The following KAT6B variants were observed in gnomAD, a reference collection of about 807,000 sequenced individuals.
KAT6B encodes the protein histone acetyltransferase KAT6B.
KAT6B carries 10 observed loss-of-function variants against 187.5 expected under a neutral mutation model. That is an observed-to-expected ratio of 0.05 (90% confidence interval 0.03 to 0.09). KAT6B has a LOEUF of 0.09. KAT6B is among the 10% of genes least tolerant of loss of function. The probability of loss-of-function intolerance (pLI) is 1.00; values close to 1 mark genes in which losing one functional copy is unlikely to be tolerated. For synonymous variants in KAT6B, 861 were observed against 926.8 expected (o/e 0.93, Z 1.29); for missense variants, 1,952 against 2,558.9 (o/e 0.76, Z 5.12).
chr10:74,976,692 G>A, intron 8 of KAT6B: 1 of 355,570 alleles, frequency 2.8e-6, no homozygotes, highest in South Asian at 2.4e-5. Context: ...CCACAGCGCT[G>A]TTCAGTTGTG....
intron 13 of KAT6B, among the ~76,000 whole-genome samples, chr10:74,996,531 G>A (rs1843440765): frequency 6.6e-6 from 1 of 152,062 alleles, no homozygotes; most frequent in East Asian, 1.9e-4. Flanking sequence ...AGCACTGTGG[G>A]AGGCCGAGGC....
intron 3 of KAT6B, among the ~76,000 whole-genome samples, chr10:74,917,081 G>A (rs1847745971): frequency 6.6e-6 from 1 of 152,082 alleles, no homozygotes; most frequent in African/African-American, 2.4e-5. Context: ...CTTTGGCCTG[G>A]GTGACAGGCC....
At chr10:74,976,577 C>G in intron 8 of KAT6B, 1 of 554,116 alleles carries the variant, frequency 1.8e-6, no homozygotes, top group Non-Finnish European at 3.2e-6. Context: ...CGTAGTGACA[C>G]TAGGACCCCC....
At chr10:74,956,991 T>C (rs2133476374) in intron 3 of KAT6B, among the ~76,000 whole-genome samples, 1 of 152,358 alleles carries the variant, frequency 6.6e-6, no homozygotes, top group Non-Finnish European at 1.5e-5. Context: ...GGTATCATTT[T>C]CAGACATCTT....
intron 3 of KAT6B, among the ~76,000 whole-genome samples, chr10:74,897,602 C>T (rs930756202): frequency 1.3e-5 from 2 of 152,234 alleles, no homozygotes; most frequent in Admixed American, 1.3e-4. Flanking sequence ...CCTAGCAAGG[C>T]ATGTAGTTTG....
chr10:74,937,950 C>T (rs1368780862), intron 3 of KAT6B, among the ~76,000 whole-genome samples: 2 of 152,156 alleles, frequency 1.3e-5, no homozygotes, highest in Admixed American at 6.5e-5. Context: ...ATCCTCATAT[C>T]GAAATGGTAA....
chr10:74,892,611 G>C (rs1168483457), intron 3 of KAT6B, among the ~76,000 whole-genome samples: 4 of 152,078 alleles, frequency 2.6e-5, no homozygotes, highest in Non-Finnish European at 5.9e-5. Context: ...GAACTCTTAG[G>C]GGTAGGGAGC....
chr10:74,919,575 A>G (rs1010152557), intron 3 of KAT6B, among the ~76,000 whole-genome samples: 2 of 151,692 alleles, frequency 1.3e-5, no homozygotes, highest in Non-Finnish European at 2.9e-5. Context: ...TAATTTTTAA[A>G]TTTTTTTAGT....
At chr10:74,917,436 T>G (rs989438606) in intron 3 of KAT6B, among the ~76,000 whole-genome samples, 1 of 152,228 alleles carries the variant, frequency 6.6e-6, no homozygotes, top group Non-Finnish European at 1.5e-5. Context: ...CAGTTGTTGT[T>G]TCTCCTTTAT....
intron 13 of KAT6B, among the ~76,000 whole-genome samples, chr10:74,994,971 C>T (rs565906031): frequency 2.4e-4 from 37 of 152,194 alleles, no homozygotes; most frequent in African/African-American, 8.2e-4. Context: ...AACACATATG[C>T]GTGTACACAC....
At chr10:74,978,698 A>T (rs1429321935) in intron 9 of KAT6B, among the ~76,000 whole-genome samples, 2 of 152,220 alleles carry the variant, frequency 1.3e-5, no homozygotes, top group East Asian at 3.8e-4. Flanking sequence ...GGCTTACTAC[A>T]TGGAAATAAG....
chr10:75,012,434 G>A (rs1828379237), intron 13 of KAT6B, among the ~76,000 whole-genome samples: 1 of 152,174 alleles, frequency 6.6e-6, no homozygotes, highest in Non-Finnish European at 1.5e-5. Context: ...GTGATAGAGT[G>A]AGACCGTGTC....
chr10:75,017,744 A>AAATGG (rs1345937099), intron 13 of KAT6B, among the ~76,000 whole-genome samples: 1 of 152,264 alleles, frequency 6.6e-6, no homozygotes, highest in Non-Finnish European at 1.5e-5. Flanking sequence ...CTGCTGGTTC[A>AAATGG]AATGGAATTC....
chr10:74,968,921 G>T (rs1424683036), intron 4 of KAT6B, among the ~76,000 whole-genome samples: 3 of 152,130 alleles, frequency 2.0e-5, no homozygotes, highest in Admixed American at 6.5e-5. Flanking sequence ...GTAAGACCTG[G>T]TGTGTGGAGC....
intron 3 of KAT6B, among the ~76,000 whole-genome samples, chr10:74,856,697 G>C (rs1842848358): frequency 6.6e-6 from 1 of 152,038 alleles, no homozygotes; most frequent in African/African-American, 2.4e-5. Context: ...TCAGAAGTTT[G>C]AGACCAGCCT....
In KAT6B at chr10:75,028,483, A is replaced by G. The variant is rs1846043222; in HGVS notation, c.3665-6A>G. The G allele has an allele frequency of 6.2e-7, 1 of 1,614,118 alleles. No homozygotes were observed. The highest frequency in any genetic ancestry group is 1.7e-5 in the Admixed American group (1 of 60,008). On this transcript the variant is annotated splice_region_variant and splice_polypyrimidine_tract_variant and intron_variant, in intron 17 of 17. Coordinates refer to ENST00000287239, the MANE Select transcript of KAT6B (RefSeq NM_012330.4). The stretch of plus-strand genomic sequence containing the variant: ...TTTTCCTTCCCGTTTTTGTCTCTTC[A>G]CTAAGACAATATGAATGATGATTCA...
chr10:74,932,696 C>T (rs12251508), intron 3 of KAT6B, among the ~76,000 whole-genome samples: 3,740 of 152,248 alleles, frequency 0.025, 157 homozygotes, highest in African/African-American at 0.085. Flanking sequence ...TATCGACTTA[C>T]GCTGTGAACC....
At chr10:75,001,480 ACT>A (rs3832682) in intron 13 of KAT6B, among the ~76,000 whole-genome samples, 20,068 of 151,832 alleles carry the variant, frequency 0.13, 2,715 homozygotes, top group African/African-American at 0.34. Context: ...AATCATATCC[ACT>A]CTCTCAGAGA....
intron 13 of KAT6B, among the ~76,000 whole-genome samples, chr10:74,995,265 T>C (rs1843355326): frequency 6.6e-6 from 1 of 152,254 alleles, no homozygotes; most frequent in Non-Finnish European, 1.5e-5. Context: ...TGTGTTTAAA[T>C]GTTACTAGAG....
Sources: allele counts gnomAD v4.1 joint callset (sites outside exome capture counted in the v4.1 genomes callset), GRCh38; gene constraint gnomAD v4.1.1; transcripts MANE v1.5; gene names NCBI Gene and HGNC (gene_info 2026-07-23, HGNC 2026-07-21).